Variants in BBS2 observed in about 807,000 individuals in gnomAD.
BBS2 encodes BBSome complex member BBS2.
In BBS2, 62 loss-of-function variants were observed where a neutral mutation model predicts 83.0. That is an observed-to-expected ratio of 0.75 (90% confidence interval 0.61 to 0.92). BBS2 has a LOEUF of 0.92. Ranked by LOEUF, BBS2 falls within the 40% of genes least tolerant of loss-of-function variation. BBS2 has a pLI of 0.00. For missense variants in BBS2, 784 were observed against 901.0 expected, an observed-to-expected ratio of 0.87 and a Z score of 1.66; for synonymous variants, 303 against 326.1, an observed-to-expected ratio of 0.93 and a Z score of 0.76.
Position 56,498,495 on chromosome 16 carries a change from C to T in BBS2, c.1601G>A (p.Cys534Tyr), listed in dbSNP as rs1964174593. ...THIQNAPFQV[C>Y]FTSLRNGGHL... ...GCCGCCATTCCGTAAAGATGTGAAA[C>T]ACACTTGAAATGGAGCATTCTGAAT... Residue 534 changes from cysteine (C) to tyrosine (Y), a missense_variant, in exon 13 of 17, where the codon TGT becomes TAT. Cys to Tyr is a radical substitution (Grantham distance 194). Coordinates refer to ENST00000245157, the MANE Select transcript of BBS2 (RefSeq NM_031885.5). 1 of 1,613,914 alleles carries T rather than the reference C, an allele frequency of 6.2e-7. No individual in the cohort carries two copies. The highest frequency in any genetic ancestry group is 8.5e-7 in the Non-Finnish European group (1 of 1,180,008).
intron 15 of BBS2, among the ~76,000 whole-genome samples, chr16:56,488,642 T>C (rs1426370305): frequency 6.6e-6 from 1 of 152,182 alleles, no homozygotes; most frequent in African/African-American, 2.4e-5. Flanking sequence ...TGGGTTTTGA[T>C]GGAATCTTCA....
chr16:56,481,799 T>C (rs1346455782), downstream of BBS2, among the ~76,000 whole-genome samples: 2 of 152,256 alleles, frequency 1.3e-5, no homozygotes, highest in African/African-American at 2.4e-5. Context: ...GCATGTTTTA[T>C]GAATGTTTTC....
Position 56,519,967 on chromosome 16 carries a change from C to T in BBS2, c.-105G>A, listed in dbSNP as rs540090407. ...GTGCAGGGACACTACCTGCGCGGCC[C>T]CAGCCGCCTCAGGCCGGACGCGAAA... On this transcript the variant is annotated 5_prime_UTR_variant, in exon 1 of 17. Coordinates refer to ENST00000245157, the MANE Select transcript of BBS2 (RefSeq NM_031885.5). The T allele has an allele frequency of 2.0e-6, 2 of 1,001,346 alleles. No homozygotes were observed. Among genetic ancestry groups the T allele is most frequent in the East Asian group, 2.6e-5 (1 of 38,982 alleles). 62.0% of individuals were successfully genotyped at this position (1,001,346 alleles called of 1,614,324 possible). A position where few individuals can be genotyped will look rare whatever the true frequency, so the allele number is the denominator to read the frequency against.
rs182927336 is a variant in BBS2 at position 56,511,345 on chromosome 16, T to A, written c.346-61A>T. 7 of 1,605,670 alleles carry A rather than the reference T, an allele frequency of 4.4e-6. No individual in the cohort carries two copies. The Admixed American group carries it at 1.0e-4, about 23-fold the overall frequency. On this transcript the variant is annotated intron_variant, in intron 2 of 16. Coordinates refer to ENST00000245157, the MANE Select transcript of BBS2 (RefSeq NM_031885.5). The stretch of plus-strand genomic sequence containing the variant: ...GATAATATGCAGGCCCACATATTAA[T>A]TGGGCCAAATTTTGAGTAAACTGAG...
At chr16:56,512,727 T>G (rs1466259181) in intron 2 of BBS2, among the ~76,000 whole-genome samples, 1 of 152,208 alleles carries the variant, frequency 6.6e-6, no homozygotes, top group Non-Finnish European at 1.5e-5. Context: ...TACAACAATA[T>G]TTTCTGAGGT....
At chr16:56,475,416 C>A in intron 17 of BBS2, 1 of 1,173,766 alleles carries the variant, frequency 8.5e-7, no homozygotes, top group Non-Finnish European at 1.3e-6. Flanking sequence ...AGATCCCCCA[C>A]TGTTAAGCAG....
chr16:56,500,624 CAAAAAAA>C, intron 11 of BBS2: 4 of 294,860 alleles, frequency 1.4e-5, no homozygotes, highest in South Asian at 8.3e-5. Context: ...GAATCTGTCT[CAAAAAAA>C]AAAAAAAAAA....
At chr16:56,508,686 C>T (rs1476983849) in intron 5 of BBS2, among the ~76,000 whole-genome samples, 1 of 58 alleles carries the variant, frequency 0.017, no homozygotes, top group African/African-American at 0.056. Flanking sequence ...TTCTCGTTGC[C>T]CCTGGGTGGA....
intron 17 of BBS2, among the ~76,000 whole-genome samples, chr16:56,471,365 G>GAA (rs755598469): frequency 4.3e-5 from 4 of 92,580 alleles, no homozygotes; most frequent in Admixed American, 1.1e-4. Context: ...ACATCTCAAA[G>GAA]AAAAAAAAAA....
chr16:56,470,828 AACCATTC>A (rs1262767680), intron 17 of BBS2: 2 of 1,507,570 alleles, frequency 1.3e-6, no homozygotes, highest in South Asian at 2.7e-5. Flanking sequence ...ACTTACCATT[AACCATTC>A]ACCATTCAAA....
intron 5 of BBS2, 175 bp downstream of exon 5, chr16:56,509,782 G>C: frequency 1.6e-6 from 1 of 607,404 alleles, no homozygotes; most frequent in Non-Finnish European, 2.9e-6. Context: ...ATCTTAATTA[G>C]GATTTTTATT....
chr16:56,498,870 A>G, intron 12 of BBS2: 1 of 489,118 alleles, frequency 2.0e-6, no homozygotes, highest in South Asian at 2.0e-5. Flanking sequence ...ACATAGTCTT[A>G]TATGCAATGT....
At chr16:56,487,511 A>G (rs1300616191) in intron 15 of BBS2, among the ~76,000 whole-genome samples, 1 of 152,204 alleles carries the variant, frequency 6.6e-6, no homozygotes, top group South Asian at 2.1e-4. Context: ...TTGTCTAAAA[A>G]TACAGAAAAT....
intron 17 of BBS2, among the ~76,000 whole-genome samples, chr16:56,472,699 A>C (rs767056586): frequency 4.6e-5 from 7 of 152,174 alleles, no homozygotes; most frequent in Non-Finnish European, 1.0e-4. Context: ...ATATCCTTCC[A>C]CTGTTTTTTT....
chr16:56,515,649 TA>T (rs2047318844), intron 1 of BBS2, among the ~76,000 whole-genome samples: 1 of 152,212 alleles, frequency 6.6e-6, no homozygotes, highest in African/African-American at 2.4e-5. Flanking sequence ...CAAACAGAAT[TA>T]ATTTTAAATT....
rs1964675433 is a variant in BBS2 at position 56,514,480 on chromosome 16, G to A, written c.318C>T (p.Tyr106=). Residue 106 remains tyrosine, a synonymous_variant, in exon 2 of 17, where the codon TAC becomes TAT. Coordinates refer to ENST00000245157, the MANE Select transcript of BBS2 (RefSeq NM_031885.5). ...TQTNLLAYDV[Y]NNSDLFYREV... is the part of the protein sequence containing the mutation. Reference sequence around the variant, plus strand: ...CTCTGTAGAACAAATCCGAATTATTGTAGACATCATAAGCCAAAAGATTAG... The same window carrying A: ...CTCTGTAGAACAAATCCGAATTATTATAGACATCATAAGCCAAAAGATTAG... 1 of 1,613,960 alleles carries A rather than the reference G, an allele frequency of 6.2e-7. No homozygotes were observed. Among genetic ancestry groups the A allele is most frequent in the African/African-American group, 1.3e-5 (1 of 74,892 alleles).
chr16:56,485,296 T>TTA (rs757548219), intron 16 of BBS2, among the ~76,000 whole-genome samples: 41 of 152,234 alleles, frequency 2.7e-4, no homozygotes, highest in South Asian at 4.2e-4. Flanking sequence ...ATGGTTTTAT[T>TTA]TATATATATA....
intron 15 of BBS2, among the ~76,000 whole-genome samples, chr16:56,490,152 A>AAAT (rs769693023): frequency 2.0e-5 from 3 of 149,684 alleles, no homozygotes; most frequent in African/African-American, 5.1e-5. Flanking sequence ...ACACACACAA[A>AAAT]AATAATAATA....
intron 11 of BBS2, chr16:56,500,281 A>G: frequency 3.8e-6 from 1 of 261,708 alleles, no homozygotes; most frequent in Non-Finnish European, 7.5e-6. Flanking sequence ...AAATTGACAA[A>G]TCATCAATTA....
Sources: allele counts gnomAD v4.1 joint callset (sites outside exome capture counted in the v4.1 genomes callset), GRCh38; gene constraint gnomAD v4.1.1; transcripts MANE v1.5; gene names NCBI Gene and HGNC (gene_info 2026-07-23, HGNC 2026-07-21).